Variants in CNTN5 observed in about 807,000 individuals in gnomAD.
CNTN5 encodes the protein contactin 5.
A neutral mutation model predicts 129.1 loss-of-function variants in CNTN5; 77 were observed. The observed-to-expected ratio is 0.60, with a 90% CI of 0.50 to 0.72. The LOEUF is 0.72. CNTN5 is among the 30% of genes least tolerant of loss of function. The pLI is 0.00. For synonymous variants in CNTN5, 509 were observed against 465.6 expected (o/e 1.09, Z -1.20); for missense variants, 1,478 against 1,328.8 (o/e 1.11, Z -1.75).
chr11:100,346,485 G>A (rs978303721), intron 23 of CNTN5, among the ~76,000 whole-genome samples: 2 of 151,928 alleles, frequency 1.3e-5, no homozygotes, highest in Admixed American at 1.3e-4. Flanking sequence ...AATGTTCAGG[G>A]GCTATGCTTT....
chr11:99,822,978 G>A (rs1946847658), intron 4 of CNTN5, among the ~76,000 whole-genome samples: 1 of 152,206 alleles, frequency 6.6e-6, no homozygotes, highest in Non-Finnish European at 1.5e-5. Flanking sequence ...AGGCCCACTG[G>A]GAGTGGCCTC....
intron 15 of CNTN5, among the ~76,000 whole-genome samples, chr11:100,195,971 C>T (rs1373692264): frequency 1.3e-5 from 2 of 151,832 alleles, no homozygotes; most frequent in Non-Finnish European, 2.9e-5. Flanking sequence ...CTTGTGGATA[C>T]CTTCTTTCTG....
In CNTN5 at chr11:100,061,350, C is replaced by T; in HGVS notation, c.1119C>T (p.Asn373=). The T allele has an allele frequency of 3.1e-6, 5 of 1,602,514 alleles. No individual in the cohort carries two copies. The highest frequency in any genetic ancestry group is 4.3e-6 in the Non-Finnish European group (5 of 1,171,318). Residue 373 remains asparagine, a synonymous_variant, in exon 10 of 25, where the codon AAC becomes AAT. Transcript: ENST00000524871. ...GCATTTATGAGTGCAGAGCTGAAAACTCACGTGGAAAAAATTCCTTTCGTG... is the reference window on the plus strand; with the variant it reads ...GCATTTATGAGTGCAGAGCTGAAAATTCACGTGGAAAAAATTCCTTTCGTG... ...DAGIYECRAE[N]SRGKNSFRGQ...
At chr11:100,081,284 G>A (rs896730928) in intron 13 of CNTN5, among the ~76,000 whole-genome samples, 3 of 152,068 alleles carry the variant, frequency 2.0e-5, no homozygotes, top group Admixed American at 1.3e-4. Flanking sequence ...AAGAATTGTT[G>A]ACTTCTGGGA....
chr11:100,204,682 C>T (rs966458041), intron 15 of CNTN5, among the ~76,000 whole-genome samples: 1 of 148,592 alleles, frequency 6.7e-6, no homozygotes, highest in African/African-American at 2.4e-5. Flanking sequence ...CATGTTTATT[C>T]ATTTTACTTC....
At position 99,650,454 on chromosome 11, in the gene CNTN5, C is replaced by G. The variant is rs191199855; in HGVS notation, c.55+94185C>G. Among the ~76,000 whole-genome samples, 15 of 151,926 alleles carry G rather than the reference C, an allele frequency of 9.9e-5. No homozygotes were observed. In the East Asian group the frequency reaches 2.3e-3, roughly 23 times the overall value. Reference sequence around the variant, plus strand: ...AATCATCTCTGCTACATGAGTAAGACCCAGGCTTTTGTGGGATAGGCTACT... The same window carrying G: ...AATCATCTCTGCTACATGAGTAAGAGCCAGGCTTTTGTGGGATAGGCTACT... On this transcript the variant is annotated intron_variant, in intron 3 of 24. Coordinates refer to ENST00000524871, the MANE Select transcript of CNTN5 (RefSeq NM_014361.4).
intron 1 of CNTN5, among the ~76,000 whole-genome samples, chr11:99,134,607 T>C (rs1243701946): frequency 6.6e-6 from 1 of 152,218 alleles, no homozygotes; most frequent in Non-Finnish European, 1.5e-5. Flanking sequence ...AGCATCATCA[T>C]GATAAGCTCA....
intron 3 of CNTN5, among the ~76,000 whole-genome samples, chr11:99,594,461 T>G (rs1457350436): frequency 6.6e-6 from 1 of 152,152 alleles, no homozygotes; most frequent in South Asian, 2.1e-4. Flanking sequence ...GTAAGCTCAA[T>G]TCATAGCATG....
chr11:99,932,095 C>T (rs1467630327), intron 7 of CNTN5, among the ~76,000 whole-genome samples: 2 of 152,190 alleles, frequency 1.3e-5, no homozygotes, highest in Non-Finnish European at 2.9e-5. Flanking sequence ...TCACTGTATT[C>T]ATTTTTTTCA....
At chr11:99,830,636 C>A (rs905505666) in intron 4 of CNTN5, among the ~76,000 whole-genome samples, 1 of 152,186 alleles carries the variant, frequency 6.6e-6, no homozygotes, top group African/African-American at 2.4e-5. Flanking sequence ...AAATAAAATA[C>A]ATCATGTCAG....
intron 1 of CNTN5, among the ~76,000 whole-genome samples, chr11:99,217,090 G>A (rs543336449): frequency 6.6e-6 from 1 of 152,292 alleles, no homozygotes; most frequent in Admixed American, 6.5e-5. Context: ...TGAGGCAGGA[G>A]AATCACTTGA....
At chr11:99,390,544 G>A (rs575693665) in intron 2 of CNTN5, among the ~76,000 whole-genome samples, 6 of 152,152 alleles carry the variant, frequency 3.9e-5, no homozygotes, top group South Asian at 2.1e-4. Flanking sequence ...AAAATAGTTG[G>A]ACTTCAGATT....
chr11:99,158,816 C>T (rs1307731907), intron 1 of CNTN5, among the ~76,000 whole-genome samples: 13 of 152,048 alleles, frequency 8.5e-5, no homozygotes, highest in Non-Finnish European at 4.4e-5. Context: ...AAAGAAGCAA[C>T]ATATTTGGAT....
At chr11:99,468,591 A>C (rs1180972180) in intron 2 of CNTN5, among the ~76,000 whole-genome samples, 1 of 151,492 alleles carries the variant, frequency 6.6e-6, no homozygotes, top group East Asian at 1.9e-4. Flanking sequence ...GCTTCTTTCC[A>C]CTCAAATTCT....
intron 2 of CNTN5, among the ~76,000 whole-genome samples, chr11:99,484,260 A>G (rs1224894425): frequency 1.3e-5 from 2 of 152,174 alleles, no homozygotes; most frequent in Non-Finnish European, 2.9e-5. Context: ...CAAATGGCCA[A>G]CAAATATATG....
chr11:100,155,355 C>A (rs1947202989), intron 13 of CNTN5, among the ~76,000 whole-genome samples: 1 of 151,816 alleles, frequency 6.6e-6, no homozygotes, highest in Non-Finnish European at 1.5e-5. Context: ...ATTTCTGGGG[C>A]CTCTCTTCTG....
intron 1 of CNTN5, among the ~76,000 whole-genome samples, chr11:99,241,601 T>C (rs915071640): frequency 6.6e-6 from 1 of 152,082 alleles, no homozygotes; most frequent in Non-Finnish European, 1.5e-5. Context: ...GATTGATAGA[T>C]TTTTTTAAAC....
At chr11:99,839,917 T>C (rs61911615) in intron 4 of CNTN5, among the ~76,000 whole-genome samples, 18,276 of 151,796 alleles carry the variant, frequency 0.12, 1,628 homozygotes, top group East Asian at 0.43. Context: ...ATGAGGGGAA[T>C]AGAGCAAATG....
intron 2 of CNTN5, among the ~76,000 whole-genome samples, chr11:99,445,593 C>G (rs1215154956): frequency 6.6e-6 from 1 of 152,068 alleles, no homozygotes; most frequent in Non-Finnish European, 1.5e-5. Flanking sequence ...TTCTTGCATT[C>G]TTTACATTGG....
Sources: gnomAD v4.1 joint callset for allele counts (sites outside exome capture counted in the v4.1 genomes callset) on GRCh38, gnomAD v4.1.1 for gene constraint, MANE v1.5 for transcripts, NCBI Gene and HGNC (gene_info 2026-07-23, HGNC 2026-07-21) for gene names.